The following GRPR variants were observed in gnomAD, a reference collection of about 807,000 sequenced individuals.
The protein encoded by GRPR is gastrin releasing peptide receptor.
GRPR carries 4 observed loss-of-function variants against 15.6 expected under a neutral mutation model. The ratio of observed to expected loss-of-function variants is 0.26; its 90% CI spans 0.13 to 0.59. The LOEUF is 0.59. GRPR is among the 20% of genes least tolerant of loss of function. GRPR has a pLI of 0.90. For synonymous variants in GRPR, 128 were observed against 126.8 expected (o/e 1.01, Z -0.06); for missense variants, 270 against 304.1 (o/e 0.89, Z 0.83).
Position 16,152,758 on chromosome X carries a change from G to A in GRPR, c.*113G>A. On this transcript the variant is annotated 3_prime_UTR_variant, in exon 3 of 3. Transcript: ENST00000380289. ...CAAAGAGCCTTCAGAATGCTCCTGA[G>A]TGGTGTAGGTGGGGGTGGGGAGGCC... 1 of 630,603 alleles carries A rather than the reference G, an allele frequency of 1.6e-6. No homozygotes were observed. Among genetic ancestry groups the A allele is most frequent in the Non-Finnish European group, 2.6e-6 (1 of 377,391 alleles). 52.0% of individuals were successfully genotyped at this position (630,603 alleles called of 1,213,427 possible). A position where few individuals can be genotyped will look rare whatever the true frequency, so the allele number is the denominator to read the frequency against.
At chrX:16,140,733 C>G (rs1317273286) in intron 1 of GRPR, among the ~76,000 whole-genome samples, 1 of 111,949 alleles carries the variant, frequency 8.9e-6, no homozygotes, top group Non-Finnish European at 1.9e-5. Context: ...CCGTGGTGCC[C>G]TTTACTGGCT....
intron 1 of GRPR, among the ~76,000 whole-genome samples, chrX:16,136,413 T>C (rs1191201414): frequency 2.7e-5 from 3 of 111,255 alleles, no homozygotes; most frequent in African/African-American, 6.5e-5. Context: ...AAACCCTCAA[T>C]GGCCGGGAAC....
rs770576037 is a variant in GRPR, at chrX:16,152,622, A to G, written c.1132A>G (p.Ile378Val). ...VATFSLINGNICHERYV is the reference protein window; with the variant it reads ...VATFSLINGNVCHERYV ...CACCTTTAGCCTCATCAATGGAAAC[A>G]TCTGTCACGAGCGGTATGTCTAGAT... Residue 378 changes from isoleucine to valine, a missense_variant, in exon 3 of 3, where the codon ATC becomes GTC. Ile to Val is a conservative substitution (Grantham distance 29). Around this residue, in one of 3 missense-constraint regions of GRPR, gnomAD observed 133 missense variants for 123.4 expected, o/e 1.08. Transcript: ENST00000380289. 4.1e-6 allele frequency: 5 copies of G among 1,208,067 alleles called. No homozygotes were observed. Among genetic ancestry groups the G allele is most frequent in the Non-Finnish European group, 4.5e-6 (4 of 893,944 alleles).
intron 1 of GRPR, among the ~76,000 whole-genome samples, chrX:16,139,880 G>C (rs1441416885): frequency 8.9e-6 from 1 of 112,462 alleles, no homozygotes; most frequent in South Asian, 3.7e-4. Flanking sequence ...TAGGGGCAGA[G>C]GGAAAGCTTC....
chrX:16,152,095 T>TG (rs1922716124), intron 2 of GRPR, among the ~76,000 whole-genome samples, 161 bp from the exon 3 acceptor site: 1 of 110,775 alleles, frequency 9.0e-6, no homozygotes. Context: ...GATTCTCTCT[T>TG]GCCCTCTCCT....
intron 1 of GRPR, among the ~76,000 whole-genome samples, chrX:16,125,051 A>C (rs1922269136): frequency 8.9e-6 from 1 of 112,241 alleles, no homozygotes; most frequent in African/African-American, 3.2e-5. Context: ...TTCATATACC[A>C]TGCTTTTGGG....
At chrX:16,145,314 A>C (rs1255773110) in intron 1 of GRPR, among the ~76,000 whole-genome samples, 2 of 112,440 alleles carry the variant, frequency 1.8e-5, no homozygotes, top group Non-Finnish European at 3.8e-5. Context: ...AGTACTATTC[A>C]GCCCTAAAAA....
rs61210587 is a variant in GRPR at position 16,145,884 on chromosome X, G to A, written c.414-4421G>A. ...GTGCATAATAAGCAGAAAATGAGAG[G>A]AGCTGATAATCTTGTCATAAAAGTC... On this transcript the variant is annotated intron_variant, in intron 1 of 2. Transcript: ENST00000380289. 4.5e-3 allele frequency among the ~76,000 whole-genome samples: 508 copies of A among 111,992 alleles called. 2 individuals carry two copies. Among genetic ancestry groups the A allele is most frequent in the African/African-American group, 0.016 (486 of 30,890 alleles).
intron 2 of GRPR, 78 bp from the exon 3 acceptor site, chrX:16,152,178 C>G (rs1402737136): frequency 1.1e-6 from 1 of 884,970 alleles, no homozygotes; most frequent in East Asian, 3.1e-5. Flanking sequence ...CTTTCTCTGC[C>G]TGAATCTTTG....
intron 1 of GRPR, among the ~76,000 whole-genome samples, chrX:16,126,739 G>C (rs1387658031): frequency 8.9e-6 from 1 of 111,933 alleles, no homozygotes; most frequent in Non-Finnish European, 1.9e-5. Flanking sequence ...CATTATCTCT[G>C]TGATATTCAC....
At chrX:16,142,206 G>A (rs913849394) in intron 1 of GRPR, among the ~76,000 whole-genome samples, 1 of 111,646 alleles carries the variant, frequency 9.0e-6, no homozygotes, top group South Asian at 3.7e-4. Context: ...GTGGCAAAAG[G>A]TTCACTGACA....
At chrX:16,139,163 A>G (rs113818980) in intron 1 of GRPR, among the ~76,000 whole-genome samples, 2 of 111,857 alleles carry the variant, frequency 1.8e-5, no homozygotes, top group African/African-American at 6.5e-5. Context: ...TAATTTTTGT[A>G]ATGATGTAAT....
At chrX:16,141,595 C>T (rs955950602) in intron 1 of GRPR, among the ~76,000 whole-genome samples, 2 of 111,848 alleles carry the variant, frequency 1.8e-5, no homozygotes, top group African/African-American at 6.5e-5. Flanking sequence ...AACTGCAAGG[C>T]GTGTATATGG....
intron 1 of GRPR, among the ~76,000 whole-genome samples, chrX:16,137,346 T>A (rs1306376241): frequency 8.9e-6 from 1 of 112,128 alleles, no homozygotes. Context: ...TGATGCTAAC[T>A]GTTGTTTAAA....
At chrX:16,144,102 C>T (rs568549141) in intron 1 of GRPR, among the ~76,000 whole-genome samples, 6 of 112,180 alleles carry the variant, frequency 5.3e-5, no homozygotes, top group African/African-American at 1.3e-4. Flanking sequence ...AACAGAAAAG[C>T]ATAACTGCAA....
In GRPR at chrX:16,124,126, A is replaced by G. The variant is rs1922251018; in HGVS notation, c.173A>G (p.Asn58Ser). ...ATCATTCTGATAGGCCTCATTGGCAACATCACTTTGATCAAGATCTTCTGT... is the reference window on the plus strand; with the variant it reads ...ATCATTCTGATAGGCCTCATTGGCAGCATCACTTTGATCAAGATCTTCTGT... The part of the protein sequence containing the change: ...GVIILIGLIG[N>S]ITLIKIFCTV... Residue 58 changes from asparagine to serine, a missense_variant, in exon 1 of 3, where the codon AAC becomes AGC. Coordinates refer to ENST00000380289, the MANE Select transcript of GRPR (RefSeq NM_005314.3). 8.3e-7 allele frequency: 1 copy of G among 1,206,255 alleles called. No homozygotes were observed. The highest frequency in any genetic ancestry group is 2.2e-5 in the Admixed American group (1 of 45,813).
chrX:16,150,436 A>G lies in GRPR; in HGVS notation c.545A>G (p.His182Arg), dbSNP rs1437482559. ...AIPEAVFSDL[H>R]PFHEESTNQT... ...CCAGAGGCCGTGTTTTCTGACCTCCATCCCTTCCATGAGGAAAGCACCAAC... is the reference window on the plus strand; with the variant it reads ...CCAGAGGCCGTGTTTTCTGACCTCCGTCCCTTCCATGAGGAAAGCACCAAC... Residue 182 changes from histidine (H) to arginine (R), a missense_variant, in exon 2 of 3, where the codon CAT (histidine) becomes CGT (arginine). Around this residue, in one of 3 missense-constraint regions of GRPR, gnomAD observed 22 missense variants for 51.9 expected, o/e 0.42. Coordinates refer to ENST00000380289, the MANE Select transcript of GRPR (RefSeq NM_005314.3). 8.3e-7 allele frequency: 1 copy of G among 1,208,081 alleles called. No individual in the cohort carries two copies. Among genetic ancestry groups the G allele is most frequent in the Admixed American group, 2.2e-5 (1 of 45,968 alleles).
Position 16,152,744 on chromosome X carries a change from C to T in GRPR, c.*99C>T. 1 of 729,588 alleles carries T rather than the reference C, an allele frequency of 1.4e-6. No homozygotes were observed. The highest frequency in any genetic ancestry group is 2.1e-5 in the South Asian group (1 of 46,603). 60.1% of individuals were successfully genotyped at this position (729,588 alleles called of 1,213,427 possible). A position where few individuals can be genotyped will look rare whatever the true frequency, so the allele number is the denominator to read the frequency against. On this transcript the variant is annotated 3_prime_UTR_variant, in exon 3 of 3. Coordinates refer to ENST00000380289, the MANE Select transcript of GRPR (RefSeq NM_005314.3). ...GTGTCTGTGCCCTCCAAAGAGCCTTCAGAATGCTCCTGAGTGGTGTAGGTG... is the reference window on the plus strand; with the variant it reads ...GTGTCTGTGCCCTCCAAAGAGCCTTTAGAATGCTCCTGAGTGGTGTAGGTG...
intron 1 of GRPR, among the ~76,000 whole-genome samples, chrX:16,127,960 G>T (rs961161228): frequency 9.0e-5 from 10 of 111,492 alleles, no homozygotes; most frequent in Non-Finnish European, 1.9e-4. Flanking sequence ...ATTGCTGTTT[G>T]GAAGTGTTTT....
Sources: gnomAD v4.1 joint callset for allele counts (sites outside exome capture counted in the v4.1 genomes callset) on GRCh38, gnomAD v4.1.1 for gene constraint, gnomAD v4.1.1 regional missense constraint, MANE v1.5 for transcripts, NCBI Gene and HGNC (gene_info 2026-07-23, HGNC 2026-07-21) for gene names.